The following RBMS3 variants were observed in gnomAD, a reference collection of about 807,000 sequenced individuals.
The protein encoded by RBMS3 is RNA-binding motif, single-stranded-interacting protein 3.
In RBMS3, 27 loss-of-function variants were observed where a neutral mutation model predicts 66.8. The ratio of observed to expected loss-of-function variants is 0.40; its 90% CI spans 0.30 to 0.56. The LOEUF (loss-of-function observed/expected upper bound fraction) is 0.56, where lower values mean the gene tolerates loss of function less well. Among genes scored for constraint, RBMS3 ranks in the 20% least tolerant of loss-of-function variants. The probability of loss-of-function intolerance (pLI) is 0.40; values close to 1 mark genes in which losing one functional copy is unlikely to be tolerated. For synonymous variants in RBMS3, 188 were observed against 183.0 expected (o/e 1.03, Z -0.22); for missense variants, 513 against 549.5 (o/e 0.93, Z 0.66).
chr3:29,840,185 T>A (rs993547622), intron 6 of RBMS3, among the ~76,000 whole-genome samples: 7 of 152,138 alleles, frequency 4.6e-5, no homozygotes, highest in African/African-American at 1.4e-4. Flanking sequence ...TGTTCTCAGG[T>A]CTCCTTTACA....
intron 6 of RBMS3, among the ~76,000 whole-genome samples, chr3:29,832,431 G>A (rs77719006): frequency 0.091 from 13,844 of 152,172 alleles, 659 homozygotes; most frequent in East Asian, 0.16. Flanking sequence ...GGGAGCCTGG[G>A]CATCTAGCAG....
chr3:29,968,904 G>C (rs941864609), intron 12 of RBMS3, among the ~76,000 whole-genome samples: 6 of 152,164 alleles, frequency 3.9e-5, no homozygotes, highest in Non-Finnish European at 7.3e-5. Flanking sequence ...CCCTAGTGAT[G>C]GAATTTCACA....
At chr3:29,890,156 G>T (rs1320200908) in intron 8 of RBMS3, among the ~76,000 whole-genome samples, 6 of 151,432 alleles carry the variant, frequency 4.0e-5, no homozygotes, top group Non-Finnish European at 8.9e-5. Context: ...GCTTATCTTT[G>T]GTTTCATTAC....
In RBMS3 at chr3:29,685,308, G is replaced by A. The variant is rs550224853; in HGVS notation, c.400-54412G>A. ...CATCTCCTGACCTCGTGATCCGCCC[G>A]CCTCGACCTCCCAAAGTGCTGGCAT... On this transcript the variant is annotated intron_variant, in intron 4 of 14. Coordinates refer to ENST00000383767, the MANE Select transcript of RBMS3 (RefSeq NM_001003793.3). Among the ~76,000 whole-genome samples the A allele has an allele frequency of 1.4e-3, 219 of 152,140 alleles. No homozygotes were observed. In the Middle Eastern group the frequency reaches 0.031, roughly 21 times the overall value.
chr3:29,708,808 A>C (rs1429384081), intron 4 of RBMS3, among the ~76,000 whole-genome samples: 1 of 152,204 alleles, frequency 6.6e-6, no homozygotes, highest in East Asian at 1.9e-4. Flanking sequence ...TGACACTGAC[A>C]TGCCATCCAC....
At chr3:29,517,626 C>A (rs1413941043) in intron 3 of RBMS3, among the ~76,000 whole-genome samples, 1 of 152,106 alleles carries the variant, frequency 6.6e-6, no homozygotes, top group Non-Finnish European at 1.5e-5. Flanking sequence ...CCCGGCCCTA[C>A]ATGATCTCAT....
At chr3:29,792,202 A>G (rs1008811105) in intron 6 of RBMS3, among the ~76,000 whole-genome samples, 20 of 152,198 alleles carry the variant, frequency 1.3e-4, no homozygotes, top group African/African-American at 4.6e-4. Flanking sequence ...GTTAAAAAGG[A>G]GAGAAAGTGG....
At chr3:29,745,157 A>G (rs1256536949) in intron 5 of RBMS3, among the ~76,000 whole-genome samples, 4 of 152,234 alleles carry the variant, frequency 2.6e-5, no homozygotes, top group Admixed American at 6.5e-5. Flanking sequence ...AGTGGGGCGC[A>G]CAGACAGCAA....
chr3:29,903,966 C>T (rs1429939437), intron 10 of RBMS3, among the ~76,000 whole-genome samples: 1 of 151,934 alleles, frequency 6.6e-6, no homozygotes. Context: ...TAAGAAGCCC[C>T]AGAATACTTA....
chr3:29,962,008 T>C (rs1696490872), intron 12 of RBMS3, among the ~76,000 whole-genome samples: 1 of 145,450 alleles, frequency 6.9e-6, no homozygotes. Flanking sequence ...ATATATATTA[T>C]ATATTTTTAT....
intron 4 of RBMS3, chr3:29,696,895 C>G (rs1480255241): frequency 2.1e-6 from 2 of 930,428 alleles, no homozygotes; most frequent in Non-Finnish European, 2.6e-6. Context: ...TATTTATACA[C>G]CAACCCCTGA....
In RBMS3 at chr3:29,766,863, C is replaced by T. The variant is rs565202438; in HGVS notation, c.637+3874C>T. On this transcript the variant is annotated intron_variant, in intron 6 of 14. Coordinates refer to ENST00000383767, the MANE Select transcript of RBMS3 (RefSeq NM_001003793.3). The stretch of plus-strand genomic sequence containing the variant: ...AAAGCATGTGTTAAATAGTGTCAAT[C>T]GTTTGAGTGTTGTAGCCATCAGCAG... 2.6e-5 allele frequency: 4 copies of T among 151,994 alleles called. No homozygotes were observed. The South Asian group carries it at 8.3e-4, about 32-fold the overall frequency. The allele number at this position is 151,994 out of a possible 1,614,324, so 9.4% of individuals were successfully genotyped here.
At chr3:29,488,128 A>G (rs1336290717) in intron 2 of RBMS3, among the ~76,000 whole-genome samples, 1 of 152,246 alleles carries the variant, frequency 6.6e-6, no homozygotes, top group Non-Finnish European at 1.5e-5. Context: ...ACCAAGGTCC[A>G]TGCTTTCTTC....
intron 12 of RBMS3, among the ~76,000 whole-genome samples, chr3:29,975,750 C>T (rs1329071129): frequency 6.6e-6 from 1 of 151,882 alleles, no homozygotes; most frequent in Non-Finnish European, 1.5e-5. Context: ...TTTTCAGTAA[C>T]TATTGATATC....
At chr3:29,917,372 T>A (rs1288836470) in intron 10 of RBMS3, among the ~76,000 whole-genome samples, 1 of 152,078 alleles carries the variant, frequency 6.6e-6, no homozygotes, top group East Asian at 1.9e-4. Context: ...AAGGTCATTC[T>A]TTCTCTCTTT....
At chr3:29,610,623 A>G (rs1317414342) in intron 4 of RBMS3, among the ~76,000 whole-genome samples, 2 of 152,092 alleles carry the variant, frequency 1.3e-5, no homozygotes, top group Admixed American at 6.6e-5. Context: ...CATAACTGCT[A>G]TGCAGGAACT....
chr3:29,769,307 G>A (rs1483854356), intron 6 of RBMS3, among the ~76,000 whole-genome samples: 1 of 151,920 alleles, frequency 6.6e-6, no homozygotes, highest in Admixed American at 6.6e-5. Flanking sequence ...CAGCCATAAA[G>A]CCAGTAAAGT....
chr3:29,648,215 T>A (rs185791423), intron 4 of RBMS3, among the ~76,000 whole-genome samples: 2 of 151,580 alleles, frequency 1.3e-5, no homozygotes, highest in African/African-American at 4.8e-5. Context: ...TATTCAATTA[T>A]ATTTTCATTA....
chr3:29,829,325 G>GT (rs2058301334), intron 6 of RBMS3, among the ~76,000 whole-genome samples: 1 of 152,156 alleles, frequency 6.6e-6, no homozygotes, highest in African/African-American at 2.4e-5. Flanking sequence ...GATTACAGGC[G>GT]TGAGCCACCG....
Sources: gnomAD v4.1 joint callset for allele counts (sites outside exome capture counted in the v4.1 genomes callset) on GRCh38, gnomAD v4.1.1 for gene constraint, MANE v1.5 for transcripts, NCBI Gene and HGNC (gene_info 2026-07-23, HGNC 2026-07-21) for gene names.